Variants in MFN2 observed in about 807,000 individuals in gnomAD.
The protein encoded by MFN2 is mitofusin-2.
Under a neutral mutation model 87.5 loss-of-function variants are expected in MFN2, and 43 were observed. The ratio of observed to expected loss-of-function variants is 0.49; its 90% CI spans 0.38 to 0.63. The LOEUF is 0.63. Among genes scored for constraint, MFN2 ranks in the 30% least tolerant of loss-of-function variants. The probability of loss-of-function intolerance (pLI) is 0.00; values close to 1 mark genes in which losing one functional copy is unlikely to be tolerated. For missense variants in MFN2, 743 were observed against 972.8 expected, an observed-to-expected ratio of 0.76 and a Z score of 3.14; for synonymous variants, 337 against 359.9, an observed-to-expected ratio of 0.94 and a Z score of 0.72.
intron 1 of MFN2, chr1:11,981,734 T>TGC (rs1175735012): frequency 6.6e-6 from 1 of 152,354 alleles, no homozygotes; most frequent in African/African-American, 2.4e-5. Context: ...ACCTCCGTGG[T>TGC]GCCTCAAACC....
intron 3 of MFN2, among the ~76,000 whole-genome samples, chr1:11,991,939 A>G (rs1454784434): frequency 6.9e-6 from 1 of 144,276 alleles, no homozygotes; most frequent in East Asian, 2.0e-4. Flanking sequence ...AAAAAAAAAA[A>G]AAAAAAAAAA....
chr1:11,988,377 A>G (rs1327850342), intron 2 of MFN2, among the ~76,000 whole-genome samples: 1 of 148,920 alleles, frequency 6.7e-6, no homozygotes, highest in African/African-American at 2.5e-5. Flanking sequence ...TGCTGGGATT[A>G]CAGGCATAAC....
chr1:11,987,182 C>T (rs1028661233), intron 2 of MFN2, among the ~76,000 whole-genome samples: 2 of 151,346 alleles, frequency 1.3e-5, no homozygotes, highest in African/African-American at 4.9e-5. Flanking sequence ...GTGGTACATG[C>T]CCGTACTCCA....
chr1:11,988,868 T>C (rs530457294), intron 2 of MFN2, among the ~76,000 whole-genome samples: 28 of 152,108 alleles, frequency 1.8e-4, no homozygotes, highest in African/African-American at 6.7e-4. Flanking sequence ...GTCTGGCTAA[T>C]TACTGTATTT....
At chr1:11,998,639 C>T (rs1190209703) in intron 6 of MFN2, 131 bp from the exon 7 acceptor site, 1 of 816,488 alleles carries the variant, frequency 1.2e-6, no homozygotes, top group East Asian at 2.4e-5. Context: ...GAGGGCCAGG[C>T]CTGATTTCTC....
At chr1:11,991,447 A>G (rs1177175683) in intron 3 of MFN2, among the ~76,000 whole-genome samples, 1 of 152,174 alleles carries the variant, frequency 6.6e-6, no homozygotes, top group African/African-American at 2.4e-5. Context: ...CCAAGTGAGA[A>G]TGAGCCACGC....
rs935897449 is a variant in MFN2 at position 12,003,871 on chromosome 1, G to A, written c.1161-121G>A. ...AGGGGAAGGCCATGCCCCTGGGTGCGTGTGTGCAGCCCTGCCAGGCAAGAT... is the reference window on the plus strand; with the variant it reads ...AGGGGAAGGCCATGCCCCTGGGTGCATGTGTGCAGCCCTGCCAGGCAAGAT... On this transcript the variant is annotated intron_variant, in intron 11 of 18. Transcript: ENST00000235329. The surrounding 1 kb of genome is among the most constrained non-coding windows in gnomAD (Gnocchi z 4.1). 59 of 1,313,156 alleles carry A rather than the reference G, an allele frequency of 4.5e-5. No individual in the cohort carries two copies. The highest frequency in any genetic ancestry group is 2.4e-4 in the Middle Eastern group (1 of 4,174). The allele number at this position is 1,313,156 out of a possible 1,614,324, so 81.3% of individuals were successfully genotyped here. A position where few individuals can be genotyped will look rare whatever the true frequency, so the allele number is the denominator to read the frequency against.
intron 4 of MFN2, 34 bp from the exon 5 acceptor site, chr1:11,996,122 G>A: frequency 6.2e-7 from 1 of 1,613,892 alleles, no homozygotes; most frequent in Non-Finnish European, 8.5e-7. Context: ...GTCAGATACT[G>A]GTGGCTTTGC....
chr1:11,984,851 C>G (rs1319008599), intron 2 of MFN2, among the ~76,000 whole-genome samples: 1 of 152,248 alleles, frequency 6.6e-6, no homozygotes, highest in Non-Finnish European at 1.5e-5. Flanking sequence ...CCTCTTCCCC[C>G]ATACCTCGCC....
Position 12,006,714 on chromosome 1 carries a change from G to A in MFN2, c.1872+21G>A, listed in dbSNP as rs771223311. The A allele has an allele frequency of 1.1e-5, 17 of 1,614,066 alleles. 1 individual carries two copies. The East Asian group carries it at 2.2e-4, about 21-fold the overall frequency. On this transcript the variant is annotated intron_variant, in intron 16 of 18. Transcript: ENST00000235329. ...GAGTGGTCAGTGACCAGTTCTGCTC[G>A]GGAAGGTGGGGGCGGAGGGCAGGTG...
At chr1:11,992,772 C>T (rs1638746906) in intron 4 of MFN2, 82 bp downstream of exon 4, 1 of 1,531,624 alleles carries the variant, frequency 6.5e-7, no homozygotes, top group South Asian at 1.1e-5. Context: ...CAGAACGTTC[C>T]AGGCAGGGAC....
chr1:12,010,222 A>G (rs996040102), intron 18 of MFN2, among the ~76,000 whole-genome samples: 26 of 152,346 alleles, frequency 1.7e-4, no homozygotes, highest in African/African-American at 6.0e-4. Context: ...GAGGCTCAAC[A>G]AGACACAGCG....
chr1:11,991,731 C>T (rs552750981), intron 3 of MFN2, among the ~76,000 whole-genome samples: 5 of 151,376 alleles, frequency 3.3e-5, no homozygotes, highest in South Asian at 2.1e-4. Context: ...GAGACCATCC[C>T]GGCTAAAACG....
intron 15 of MFN2, 37 bp downstream of exon 15, chr1:12,005,968 G>T (rs113173691): frequency 6.3e-7 from 1 of 1,593,162 alleles, no homozygotes; most frequent in Non-Finnish European, 8.6e-7. Flanking sequence ...CATTGTGGGG[G>T]GTCAGTCTGT....
rs1202415022 is a variant in MFN2, at chr1:12,013,399, C to T, written c.*1834C>T. 2.1e-6 allele frequency: 1 copy of T among 471,086 alleles called. No homozygotes were observed. Among genetic ancestry groups the T allele is most frequent in the East Asian group, 7.0e-5 (1 of 14,388 alleles). The allele number at this position is 471,086 out of a possible 1,614,324, so 29.2% of individuals were successfully genotyped here. ...TTCATTTGCTGGAGCGCAAGACGTG[C>T]TGACACAGTGAGTTTTCTCTGATGT... On this transcript the variant is annotated 3_prime_UTR_variant, in exon 19 of 19. Coordinates refer to ENST00000235329, the MANE Select transcript of MFN2 (RefSeq NM_014874.4).
intron 3 of MFN2, chr1:11,992,318 A>G: frequency 1.8e-6 from 1 of 568,976 alleles, no homozygotes; most frequent in Non-Finnish European, 3.1e-6. Context: ...TTGAGGCCAC[A>G]GAGCTAGAAA....
chr1:11,990,471 C>T (rs752260934), intron 3 of MFN2, among the ~76,000 whole-genome samples: 3 of 152,160 alleles, frequency 2.0e-5, no homozygotes, highest in African/African-American at 7.2e-5. Context: ...TAGATCAGGC[C>T]GCTCCCCTCT....
intron 14 of MFN2, 135 bp from the exon 15 acceptor site, chr1:12,005,576 G>T: frequency 1.1e-6 from 1 of 932,998 alleles, no homozygotes; most frequent in Admixed American, 1.7e-5. Flanking sequence ...GGGCCAACTT[G>T]ACTGGGGTGT....
At chr1:12,005,628 G>A (rs1450809770) in intron 14 of MFN2, 83 bp from the exon 15 acceptor site, 6 of 1,380,796 alleles carry the variant, frequency 4.3e-6, no homozygotes, top group Non-Finnish European at 6.2e-6. Flanking sequence ...GCAGTAGCTG[G>A]TAGAGCCCTG....
Sources: allele counts gnomAD v4.1 joint callset (sites outside exome capture counted in the v4.1 genomes callset), GRCh38; gene constraint gnomAD v4.1.1; non-coding constraint Gnocchi (gnomAD v3.1); transcripts MANE v1.5; gene names NCBI Gene and HGNC (gene_info 2026-07-23, HGNC 2026-07-21).